TRAPPC6A: variants seen among roughly 807,000 people sequenced by gnomAD.
The protein encoded by TRAPPC6A is TRAPP complex subunit 6A.
Under a neutral mutation model 20.8 loss-of-function variants are expected in TRAPPC6A, and 25 were observed. That is an observed-to-expected ratio of 1.20 (90% confidence interval 0.88 to 1.68). The LOEUF is 1.68. Ranked by LOEUF, TRAPPC6A falls within the 40% of genes most tolerant of loss-of-function variation. TRAPPC6A has a pLI of 0.00. For missense variants in TRAPPC6A, 215 were observed against 211.6 expected, an observed-to-expected ratio of 1.02 and a Z score of -0.10; for synonymous variants, 96 against 93.3, an observed-to-expected ratio of 1.03 and a Z score of -0.16.
chr19:45,168,164 A>G (rs990415031), intron 1 of TRAPPC6A, among the ~76,000 whole-genome samples: 2 of 151,834 alleles, frequency 1.3e-5, no homozygotes, highest in South Asian at 4.2e-4. Flanking sequence ...CACCACGCCC[A>G]GCTAATTTTT....
At chr19:45,176,585 T>C (rs1969380296) in intron 1 of TRAPPC6A, among the ~76,000 whole-genome samples, 1 of 152,216 alleles carries the variant, frequency 6.6e-6, no homozygotes, top group Non-Finnish European at 1.5e-5. Context: ...CCTGAGTACC[T>C]GGGATTACAG....
intron 1 of TRAPPC6A, among the ~76,000 whole-genome samples, chr19:45,168,152 G>A (rs1158108612): frequency 2.6e-5 from 4 of 151,796 alleles, no homozygotes; most frequent in South Asian, 2.1e-4. Flanking sequence ...ATAGGCACCC[G>A]CCACCACGCC....
At chr19:45,166,781 C>T (rs919685971) in intron 1 of TRAPPC6A, among the ~76,000 whole-genome samples, 85 of 152,262 alleles carry the variant, frequency 5.6e-4, no homozygotes, top group African/African-American at 1.9e-3. Flanking sequence ...TGCCCTTGAC[C>T]CCCACCTTCC....
intron 1 of TRAPPC6A, among the ~76,000 whole-genome samples, chr19:45,169,428 C>T (rs1427445771): frequency 6.6e-6 from 1 of 152,228 alleles, no homozygotes; most frequent in East Asian, 1.9e-4. Flanking sequence ...TCCCAAGTAG[C>T]TGGGACTACA....
intron 1 of TRAPPC6A, among the ~76,000 whole-genome samples, chr19:45,174,444 A>G (rs950418241): frequency 6.6e-6 from 1 of 152,166 alleles, no homozygotes; most frequent in Admixed American, 6.5e-5. Context: ...GTGGTCATCA[A>G]TACACACCCA....
chr19:45,176,389 A>G (rs1445576131), intron 1 of TRAPPC6A, among the ~76,000 whole-genome samples: 8 of 151,832 alleles, frequency 5.3e-5, no homozygotes, highest in African/African-American at 1.7e-4. Context: ...GCGTGAACCC[A>G]GGAGGCGGAG....
Position 45,178,230 on chromosome 19 carries a change from G to C in TRAPPC6A, c.-12C>G, listed in dbSNP as rs374135350. The C allele has an allele frequency of 3.2e-6, 5 of 1,584,204 alleles. No homozygotes were observed. The highest frequency in any genetic ancestry group is 1.7e-5 in the Admixed American group (1 of 57,160). ...ACAGTATCCGCCATGCCCCCTCCTCGCACGCCTAAAGATGCGCCCAGCGCT... is the reference window on the plus strand; with the variant it reads ...ACAGTATCCGCCATGCCCCCTCCTCCCACGCCTAAAGATGCGCCCAGCGCT... On this transcript the variant is annotated 5_prime_UTR_variant, in exon 1 of 6. Coordinates refer to ENST00000585934, the MANE Select transcript of TRAPPC6A (RefSeq NM_001270891.2).
chr19:45,172,498 G>A lies in TRAPPC6A; in HGVS notation c.84+5637C>T, dbSNP rs1969286683. Among the ~76,000 whole-genome samples the A allele has an allele frequency of 6.6e-6, 1 of 151,664 alleles. No homozygotes were observed. Among genetic ancestry groups the A allele is most frequent in the Non-Finnish European group, 1.5e-5 (1 of 68,038 alleles). On this transcript the variant is annotated intron_variant, in intron 1 of 5. Transcript: ENST00000585934. This position sits in a 1 kb window ranked among gnomAD's most constrained non-coding sequence, Gnocchi z 4.2. ...TGAGCCACTCTGTGCCAGGCCCAGGGGTGTGGTGGGGAACCCAGGGAAGGA... is the reference window on the plus strand; with the variant it reads ...TGAGCCACTCTGTGCCAGGCCCAGGAGTGTGGTGGGGAACCCAGGGAAGGA...
intron 3 of TRAPPC6A, among the ~76,000 whole-genome samples, 158 bp from the exon 4 acceptor site, chr19:45,164,405 A>G (rs1969096744): frequency 6.6e-6 from 1 of 152,070 alleles, no homozygotes; most frequent in African/African-American, 2.4e-5. Flanking sequence ...GTGCTCTGGT[A>G]GGGCCCAGGG....
intron 1 of TRAPPC6A, among the ~76,000 whole-genome samples, chr19:45,170,086 G>T (rs923862790): frequency 8.5e-5 from 13 of 152,172 alleles, no homozygotes; most frequent in African/African-American, 2.9e-4. Context: ...GAGGTGGCAG[G>T]TATTCCAAGC....
At position 45,164,846 on chromosome 19, in the gene TRAPPC6A, C is replaced by A. The variant is rs1969111965; in HGVS notation, c.270+7G>T. On this transcript the variant is annotated splice_region_variant and intron_variant, in intron 3 of 5. Transcript: ENST00000585934. ...GAAGCTGGACGGGCAGGCCGGGGTG[C>A]TCCCACCTGGTGATTGGTGCGCAGG... The A allele has an allele frequency of 6.2e-7, 1 of 1,612,774 alleles. No individual in the cohort carries two copies. Among genetic ancestry groups the A allele is most frequent in the Non-Finnish European group, 8.5e-7 (1 of 1,178,950 alleles).
chr19:45,166,840 C>T (rs2122830973), intron 1 of TRAPPC6A, among the ~76,000 whole-genome samples: 1 of 152,220 alleles, frequency 6.6e-6, no homozygotes, highest in Non-Finnish European at 1.5e-5. Context: ...GCACCATCAG[C>T]GCAGCCATCC....
In TRAPPC6A at chr19:45,173,176, T is replaced by C. The variant is rs1023257669; in HGVS notation, c.84+4959A>G. 2.6e-5 allele frequency among the ~76,000 whole-genome samples: 4 copies of C among 151,658 alleles called. No homozygotes were observed. Among genetic ancestry groups the C allele is most frequent in the Non-Finnish European group, 4.4e-5 (3 of 67,960 alleles). Reference sequence around the variant, plus strand: ...CCTCTCTTTGCCCAAAGGCTTCCCTTGTCTTCAAAGCCTCTGAGGTAGAAA... The same window carrying C: ...CCTCTCTTTGCCCAAAGGCTTCCCTCGTCTTCAAAGCCTCTGAGGTAGAAA... On this transcript the variant is annotated intron_variant, in intron 1 of 5. Coordinates refer to ENST00000585934, the MANE Select transcript of TRAPPC6A (RefSeq NM_001270891.2). The surrounding 1 kb of genome is among the most constrained non-coding windows in gnomAD (Gnocchi z 4.8).
Position 45,173,953 on chromosome 19 carries a change from C to G in TRAPPC6A, c.84+4182G>C, listed in dbSNP as rs113727392. On this transcript the variant is annotated intron_variant, in intron 1 of 5. Coordinates refer to ENST00000585934, the MANE Select transcript of TRAPPC6A (RefSeq NM_001270891.2). The surrounding 1 kb of genome is among the most constrained non-coding windows in gnomAD (Gnocchi z 4.8). ...TGGCAGCTGGGTAGGGAACCCCTGC[C>G]CAAGGTCCCAGGCACATTCGTGTGC... 1.3e-5 allele frequency among the ~76,000 whole-genome samples: 2 copies of G among 152,142 alleles called. No individual in the cohort carries two copies. The highest frequency in any genetic ancestry group is 4.8e-5 in the African/African-American group (2 of 41,432).
chr19:45,175,715 G>C (rs1969357179), intron 1 of TRAPPC6A, among the ~76,000 whole-genome samples: 2 of 152,084 alleles, frequency 1.3e-5, no homozygotes, highest in Admixed American at 1.3e-4. Context: ...CGTGAGAAAG[G>C]TATTTAGACT....
In TRAPPC6A at chr19:45,173,362, ACTGG is replaced by A. The variant is rs1010001317; in HGVS notation, c.84+4769_84+4772del. ...ATAGGAGGTCACAAAAGCCCTACAC[ACTGG>A]CTGTGGCTCCTGGGCACCTGTGCTG... On this transcript the variant is annotated intron_variant, in intron 1 of 5. Coordinates refer to ENST00000585934, the MANE Select transcript of TRAPPC6A (RefSeq NM_001270891.2). The surrounding 1 kb of genome is among the most constrained non-coding windows in gnomAD (Gnocchi z 4.8). Among the ~76,000 whole-genome samples the A allele has an allele frequency of 6.6e-6, 1 of 151,710 alleles. No individual in the cohort carries two copies. The highest frequency in any genetic ancestry group is 2.4e-5 in the African/African-American group (1 of 41,254).
At chr19:45,164,034 TG>T in intron 4 of TRAPPC6A, 25 bp from the exon 5 acceptor site, 1 of 1,561,800 alleles carries the variant, frequency 6.4e-7, no homozygotes, top group Non-Finnish European at 8.7e-7. Flanking sequence ...CAGACCAGCA[TG>T]GGAAGAGAGG....
At position 45,173,783 on chromosome 19, in the gene TRAPPC6A, A is replaced by G. The variant is rs2122854366; in HGVS notation, c.84+4352T>C. On this transcript the variant is annotated intron_variant, in intron 1 of 5. Transcript: ENST00000585934. The surrounding 1 kb of genome is among the most constrained non-coding windows in gnomAD (Gnocchi z 4.8). ...CCCCTGAAAAACGGGGCTCCCCAGG[A>G]GGAAGGAGTGAGGGGAAACGATGCA... is the stretch of plus-strand genomic sequence containing the variant. 6.6e-6 allele frequency among the ~76,000 whole-genome samples: 1 copy of G among 152,298 alleles called. No individual in the cohort carries two copies. The highest frequency in any genetic ancestry group is 1.5e-5 in the Non-Finnish European group (1 of 68,006).
chr19:45,164,238 C>A lies in TRAPPC6A; in HGVS notation c.280G>T (p.Val94Phe). Residue 94 changes from valine (V) to phenylalanine (F), a missense_variant, in exon 4 of 6, where the codon GTC (valine) becomes TTC (phenylalanine). By Grantham distance (50) the Val-to-Phe change is conservative. Transcript: ENST00000585934. ...SLRTNHQGTY[V>F]LQDNSFPLLL... Reference sequence around the variant, plus strand: ...AGGGGGAAGCTGTTGTCTTGCAGGACGTAGGTCCCCTGGGGGAGAGGAGAG... The same window carrying A: ...AGGGGGAAGCTGTTGTCTTGCAGGAAGTAGGTCCCCTGGGGGAGAGGAGAG... The A allele has an allele frequency of 1.2e-6, 2 of 1,604,376 alleles. No homozygotes were observed. The highest frequency in any genetic ancestry group is 8.5e-7 in the Non-Finnish European group (1 of 1,174,924).
Sources: gnomAD v4.1 joint callset for allele counts (sites outside exome capture counted in the v4.1 genomes callset) on GRCh38, gnomAD v4.1.1 for gene constraint, Gnocchi (gnomAD v3.1) non-coding constraint, MANE v1.5 for transcripts, NCBI Gene and HGNC (gene_info 2026-07-23, HGNC 2026-07-21) for gene names.